Variants in PAK5 observed in about 807,000 individuals in gnomAD.
PAK5 encodes p21 (RAC1) activated kinase 5.
PAK5 carries 16 observed loss-of-function variants against 65.9 expected under a neutral mutation model. The ratio of observed to expected loss-of-function variants is 0.24; its 90% CI spans 0.16 to 0.37. The LOEUF is 0.37. Among genes scored for constraint, PAK5 ranks in the 10% least tolerant of loss-of-function variants. PAK5 has a pLI of 1.00. For missense variants in PAK5, 785 were observed against 903.9 expected (o/e 0.87, Z 1.69); for synonymous variants, 371 against 354.9 (o/e 1.05, Z -0.51).
chr20:9,696,939 T>A (rs1046303206), intron 2 of PAK5, among the ~76,000 whole-genome samples: 1 of 152,096 alleles, frequency 6.6e-6, no homozygotes, highest in Non-Finnish European at 1.5e-5. Context: ...AAGTTCTCAA[T>A]AAACATTTGT....
At chr20:9,540,182 T>A (rs2045238329) in intron 9 of PAK5, among the ~76,000 whole-genome samples, 1 of 152,232 alleles carries the variant, frequency 6.6e-6, no homozygotes, top group Non-Finnish European at 1.5e-5. Flanking sequence ...GCTCAAATGA[T>A]CCTCCCACCT....
chr20:9,746,480 G>A (rs1436322250), intron 1 of PAK5, among the ~76,000 whole-genome samples: 1 of 152,060 alleles, frequency 6.6e-6, no homozygotes, highest in Non-Finnish European at 1.5e-5. Flanking sequence ...CAAATCTTAA[G>A]TGTATGGCTC....
intron 1 of PAK5, among the ~76,000 whole-genome samples, chr20:9,769,038 C>T (rs1330611826): frequency 1.3e-5 from 2 of 152,146 alleles, no homozygotes; most frequent in South Asian, 2.1e-4. Context: ...CTAACTGTAT[C>T]TTTTAAACAA....
chr20:9,586,616 T>C (rs1342139420), intron 3 of PAK5, among the ~76,000 whole-genome samples: 1 of 152,188 alleles, frequency 6.6e-6, no homozygotes, highest in African/African-American at 2.4e-5. Context: ...AATCGTGCTA[T>C]AAATATCTTA....
At chr20:9,636,429 G>A (rs2123244332) in intron 3 of PAK5, among the ~76,000 whole-genome samples, 1 of 152,208 alleles carries the variant, frequency 6.6e-6, no homozygotes, top group Non-Finnish European at 1.5e-5. Context: ...GAATAGAGAA[G>A]TTTTTAAAGC....
intron 2 of PAK5, among the ~76,000 whole-genome samples, chr20:9,701,842 T>C (rs529116305): frequency 6.6e-6 from 1 of 151,768 alleles, no homozygotes; most frequent in African/African-American, 2.4e-5. Flanking sequence ...GTACTAAAAA[T>C]ATAAAAAATT....
At chr20:9,562,754 G>T in intron 6 of PAK5, 137 bp downstream of exon 6, 1 of 708,388 alleles carries the variant, frequency 1.4e-6, no homozygotes, top group East Asian at 2.5e-5. Flanking sequence ...GGCCCTCTGG[G>T]GAATGTAGGG....
chr20:9,612,080 C>T (rs2046572286), intron 3 of PAK5, among the ~76,000 whole-genome samples: 1 of 152,052 alleles, frequency 6.6e-6, no homozygotes, highest in African/African-American at 2.4e-5. Flanking sequence ...GGTGTCTGGC[C>T]CCCCATGGAA....
chr20:9,633,048 G>A (rs1286560407), intron 3 of PAK5, among the ~76,000 whole-genome samples: 1 of 152,150 alleles, frequency 6.6e-6, no homozygotes, highest in African/African-American at 2.4e-5. Context: ...AAGTAAGATA[G>A]TATCAGTCAG....
At chr20:9,690,911 G>A (rs923595348) in intron 2 of PAK5, among the ~76,000 whole-genome samples, 9 of 151,528 alleles carry the variant, frequency 5.9e-5, no homozygotes, top group Admixed American at 4.6e-4. Context: ...CCACCACCAT[G>A]CCCAGCTAAT....
chr20:9,640,356 C>T (rs181741580), intron 3 of PAK5, among the ~76,000 whole-genome samples: 6,096 of 151,970 alleles, frequency 0.04, 241 homozygotes, highest in Admixed American at 0.13. Flanking sequence ...ATGATGGTTT[C>T]CAGCTTCATC....
chr20:9,823,628 A>G (rs2049449645), intron 1 of PAK5, among the ~76,000 whole-genome samples: 1 of 152,206 alleles, frequency 6.6e-6, no homozygotes, highest in African/African-American at 2.4e-5. Flanking sequence ...CCAGCCATGT[A>G]GAACTGTGAG....
chr20:9,701,643 T>C (rs1032948066), intron 2 of PAK5, among the ~76,000 whole-genome samples: 1 of 152,158 alleles, frequency 6.6e-6, no homozygotes. Context: ...GTATGCAGTC[T>C]AGGTAATTTA....
intron 1 of PAK5, among the ~76,000 whole-genome samples, chr20:9,815,055 A>G (rs1231396157): frequency 6.6e-6 from 1 of 152,114 alleles, no homozygotes; most frequent in Non-Finnish European, 1.5e-5. Context: ...CAAGAGGGGA[A>G]GCAAAAGAGA....
At chr20:9,773,591 G>C (rs2048856869) in intron 1 of PAK5, among the ~76,000 whole-genome samples, 2 of 152,174 alleles carry the variant, frequency 1.3e-5, no homozygotes, top group Non-Finnish European at 2.9e-5. Context: ...TGGCTAGGAA[G>C]TATATGAGAA....
intron 6 of PAK5, among the ~76,000 whole-genome samples, chr20:9,561,001 G>A (rs1320050518): frequency 1.3e-5 from 2 of 152,120 alleles, no homozygotes; most frequent in Non-Finnish European, 2.9e-5. Flanking sequence ...AGTTGCAAGG[G>A]GTTAGATGTT....
intron 9 of PAK5, among the ~76,000 whole-genome samples, chr20:9,540,226 G>A (rs1440867567): frequency 6.6e-6 from 1 of 152,194 alleles, no homozygotes. Flanking sequence ...ACAAGCATGT[G>A]CCAGCATGCC....
intron 1 of PAK5, among the ~76,000 whole-genome samples, chr20:9,753,516 T>C (rs539534775): frequency 1.3e-3 from 198 of 151,956 alleles, no homozygotes; most frequent in African/African-American, 4.7e-3. Context: ...CACAGAGGAG[T>C]ATTTTTTTCT....
chr20:9,813,208 A>G lies in PAK5; in HGVS notation c.-162+25554T>C, dbSNP rs116064233. Among the ~76,000 whole-genome samples, 590 of 152,182 alleles carry G rather than the reference A, an allele frequency of 3.9e-3. 4 individuals carry two copies. Among genetic ancestry groups the G allele is most frequent in the African/African-American group, 0.014 (561 of 41,534 alleles). ...AATGAACATCACAGAAAACAGAGCA[A>G]TAGGGACCTAGGGTAGGAGATATAG... On this transcript the variant is annotated intron_variant, in intron 1 of 9. Transcript: ENST00000353224.
Sources: allele counts gnomAD v4.1 joint callset (sites outside exome capture counted in the v4.1 genomes callset), GRCh38; gene constraint gnomAD v4.1.1; transcripts MANE v1.5; gene names NCBI Gene and HGNC (gene_info 2026-07-23, HGNC 2026-07-21).